The following KL variants were observed in gnomAD, a reference collection of about 807,000 sequenced individuals.
The protein encoded by KL is klotho.
KL carries 62 observed loss-of-function variants against 84.2 expected under a neutral mutation model. The observed-to-expected ratio is 0.74, with a 90% CI of 0.60 to 0.91. The LOEUF (loss-of-function observed/expected upper bound fraction) is 0.91, where lower values mean the gene tolerates loss of function less well. KL is among the 40% of genes least tolerant of loss of function. The pLI, the probability that KL is intolerant of heterozygous loss-of-function variation, is 0.00. For missense variants in KL, 1,261 were observed against 1,305.7 expected, an observed-to-expected ratio of 0.97 and a Z score of 0.53; for synonymous variants, 528 against 528.0, an observed-to-expected ratio of 1.00 and a Z score of 0.00.
chr13:33,047,445 C>T (rs1198956), intron 1 of KL, among the ~76,000 whole-genome samples: 100,882 of 151,596 alleles, frequency 0.67, 34,042 homozygotes, highest in Admixed American at 0.76. Context: ...CTCTGCTTCC[C>T]GGGTTCAAGC....
chr13:33,020,989 C>T (rs1259208946), intron 1 of KL, among the ~76,000 whole-genome samples: 2 of 152,124 alleles, frequency 1.3e-5, no homozygotes, highest in East Asian at 1.9e-4. Flanking sequence ...CACAGGACTT[C>T]GCTTTGCTCA....
intron 3 of KL, among the ~76,000 whole-genome samples, chr13:33,056,401 A>T (rs1411236471): frequency 6.6e-6 from 1 of 152,194 alleles, no homozygotes; most frequent in African/African-American, 2.4e-5. Flanking sequence ...ATTTATAAGG[A>T]AATAAATTAA....
At position 33,054,277 on chromosome 13, in the gene KL, G is replaced by T. The variant is rs1871871004; in HGVS notation, c.1330G>T (p.Ala444Ser). The change falls in exon 2 of 5, where the codon GCC (alanine) becomes TCC (serine). Residue 444 changes from alanine to serine, a missense_variant and splice_region_variant. Transcript: ENST00000380099. ...LKKFIMETLK[A>S]IKLDGVDVIG... Reference sequence around the variant, plus strand: ...AAAGTTCATCATGGAAACCTTAAAAGGTATGATTGTGGGTAAAGTTCTCAT... The same window carrying T: ...AAAGTTCATCATGGAAACCTTAAAATGTATGATTGTGGGTAAAGTTCTCAT... 6.2e-7 allele frequency: 1 copy of T among 1,612,486 alleles called. No individual in the cohort carries two copies. The highest frequency in any genetic ancestry group is 1.3e-5 in the African/African-American group (1 of 74,698).
rs1319798697 is a variant in KL at position 33,016,716 on chromosome 13, G to A, written c.276G>A (p.Thr92=). The change falls in exon 1 of 5, where the codon ACG becomes ACA. Residue 92 remains threonine, a synonymous_variant. Coordinates refer to ENST00000380099, the MANE Select transcript of KL (RefSeq NM_004795.4). The part of the protein sequence containing the change: ...QHGKGASIWD[T]FTHHPLAPPG... ...GCAAGGGTGCGTCCATCTGGGATAC[G>A]TTCACCCACCACCCCCTGGCACCCC... 4 of 1,610,704 alleles carry A rather than the reference G, an allele frequency of 2.5e-6. No individual in the cohort carries two copies. Among genetic ancestry groups the A allele is most frequent in the Non-Finnish European group, 3.4e-6 (4 of 1,179,064 alleles).
chr13:33,033,931 A>C (rs1020639106), intron 1 of KL, among the ~76,000 whole-genome samples: 1 of 152,114 alleles, frequency 6.6e-6, no homozygotes, highest in Non-Finnish European at 1.5e-5. Flanking sequence ...CTAGTATAAA[A>C]GCATTTTTTT....
intron 1 of KL, among the ~76,000 whole-genome samples, chr13:33,045,282 T>C (rs1871484778): frequency 6.6e-6 from 1 of 152,234 alleles, no homozygotes; most frequent in Admixed American, 6.5e-5. Flanking sequence ...TGTAGAATCA[T>C]GTTATCTGTG....
At chr13:33,045,715 A>G (rs612723) in intron 1 of KL, among the ~76,000 whole-genome samples, 108,451 of 151,964 alleles carry the variant, frequency 0.71, 38,846 homozygotes, top group Middle Eastern at 0.77. Flanking sequence ...CTGACCTCAG[A>G]TGATCCGCCC....
chr13:33,034,265 C>T (rs754921951), intron 1 of KL, among the ~76,000 whole-genome samples: 1 of 152,196 alleles, frequency 6.6e-6, no homozygotes, highest in Non-Finnish European at 1.5e-5. Context: ...GGACTGAGGC[C>T]TCAGGCAGGC....
Position 33,016,818 on chromosome 13 carries a change from C to A in KL, c.378C>A (p.Ser126Arg), listed in dbSNP as rs1244949145. ...PLQPATGDVA[S>R]DSYNNVFRDT... Reference sequence around the variant, plus strand: ...AGCCCGCCACCGGGGACGTAGCCAGCGACAGCTACAACAACGTCTTCCGCG... The same window carrying A: ...AGCCCGCCACCGGGGACGTAGCCAGAGACAGCTACAACAACGTCTTCCGCG... Residue 126 changes from serine (S) to arginine (R), a missense_variant, in exon 1 of 5, where the codon AGC becomes AGA. Physicochemically the swap from Ser to Arg is moderately radical, Grantham distance 110. Coordinates refer to ENST00000380099, the MANE Select transcript of KL (RefSeq NM_004795.4). 3.7e-6 allele frequency: 6 copies of A among 1,612,758 alleles called. No individual in the cohort carries two copies. Among genetic ancestry groups the A allele is most frequent in the Non-Finnish European group, 5.1e-6 (6 of 1,179,796 alleles).
intron 1 of KL, among the ~76,000 whole-genome samples, chr13:33,041,471 A>T (rs971823301): frequency 6.6e-6 from 1 of 151,802 alleles, no homozygotes; most frequent in Non-Finnish European, 1.5e-5. Context: ...TACCAATCAA[A>T]CATTACTACA....
intron 1 of KL, among the ~76,000 whole-genome samples, chr13:33,049,117 G>A (rs187301022): frequency 6.6e-6 from 1 of 152,076 alleles, no homozygotes; most frequent in East Asian, 1.9e-4. Flanking sequence ...GAGATAATAT[G>A]GTATTATTCT....
chr13:33,059,957 C>T (rs887767785), intron 3 of KL, among the ~76,000 whole-genome samples: 12 of 152,306 alleles, frequency 7.9e-5, no homozygotes, highest in Non-Finnish European at 1.6e-4. Context: ...ACTTAACTCA[C>T]TCAGTTTTTT....
intron 4 of KL, among the ~76,000 whole-genome samples, chr13:33,063,377 A>G (rs947856385): frequency 2.6e-5 from 4 of 152,044 alleles, no homozygotes; most frequent in Non-Finnish European, 4.4e-5. Context: ...TTGTCTTGAT[A>G]ATTTGCCTAT....
intron 3 of KL, among the ~76,000 whole-genome samples, chr13:33,056,851 T>C (rs1871982018): frequency 6.6e-6 from 1 of 152,082 alleles, no homozygotes. Context: ...TGCCAGGATA[T>C]GTGAGCCCAG....
At chr13:33,024,499 G>A (rs1156522162) in intron 1 of KL, among the ~76,000 whole-genome samples, 4 of 152,166 alleles carry the variant, frequency 2.6e-5, no homozygotes, top group African/African-American at 7.2e-5. Context: ...AGTGGTTGGA[G>A]TTCTCCCTGT....
At chr13:33,059,355 C>T (rs1872086328) in intron 3 of KL, among the ~76,000 whole-genome samples, 1 of 152,300 alleles carries the variant, frequency 6.6e-6, no homozygotes, top group Non-Finnish European at 1.5e-5. Context: ...TAATCATCAT[C>T]ATTGTTACAG....
intron 3 of KL, among the ~76,000 whole-genome samples, chr13:33,058,230 C>T (rs1014805472): frequency 2.0e-5 from 3 of 152,054 alleles, no homozygotes; most frequent in Non-Finnish European, 4.4e-5. Flanking sequence ...TTTTAATAGC[C>T]GTTCCTTCTG....
rs1315545354 is a variant in KL at position 33,017,115 on chromosome 13, C to T, written c.675C>T (p.Arg225=). ...HFRDYAELCF[R]HFGGQVKYWI... ...GGGATTACGCGGAGCTCTGCTTCCG[C>T]CACTTCGGCGGTCAGGTCAAGTACT... Residue 225 remains arginine, a synonymous_variant, in exon 1 of 5, where the codon CGC becomes CGT. Transcript: ENST00000380099. 6.2e-7 allele frequency: 1 copy of T among 1,604,828 alleles called. No homozygotes were observed. Among genetic ancestry groups the T allele is most frequent in the African/African-American group, 1.3e-5 (1 of 75,062 alleles).
In KL at chr13:33,055,430, A is replaced by G. The variant is rs536288517; in HGVS notation, c.1599+115A>G. ...ATTGTCCGTTCTTTGAGCCAAAAAC[A>G]ATTCCTTATGAGTACACTAAGGGCA... On this transcript the variant is annotated intron_variant, in intron 3 of 4. Coordinates refer to ENST00000380099, the MANE Select transcript of KL (RefSeq NM_004795.4). 2.4e-5 allele frequency: 33 copies of G among 1,358,404 alleles called. No individual in the cohort carries two copies. In the African/African-American group the frequency reaches 4.3e-4, roughly 18 times the overall value. 84.1% of individuals were successfully genotyped at this position (1,358,404 alleles called of 1,614,324 possible).
Sources: allele counts gnomAD v4.1 joint callset (sites outside exome capture counted in the v4.1 genomes callset), GRCh38; gene constraint gnomAD v4.1.1; transcripts MANE v1.5; gene names NCBI Gene and HGNC (gene_info 2026-07-23, HGNC 2026-07-21).